The following EXT1 variants were observed in gnomAD, a reference collection of about 807,000 sequenced individuals.
EXT1 encodes the protein exostosin-1.
Under a neutral mutation model 82.5 loss-of-function variants are expected in EXT1, and 20 were observed. The observed-to-expected ratio is 0.24, with a 90% confidence interval of 0.17 to 0.35. The LOEUF is 0.35. Ranked by LOEUF, EXT1 falls within the 10% of genes least tolerant of loss-of-function variation. EXT1 has a pLI of 1.00. For synonymous variants in EXT1, 348 were observed against 350.8 expected, an observed-to-expected ratio of 0.99 and a Z score of 0.09; for missense variants, 757 against 936.5, an observed-to-expected ratio of 0.81 and a Z score of 2.50.
At chr8:117,943,294 T>C (rs898156110) in intron 1 of EXT1, among the ~76,000 whole-genome samples, 4 of 152,184 alleles carry the variant, frequency 2.6e-5, no homozygotes, top group Non-Finnish European at 5.9e-5. Flanking sequence ...AGGTCTTTTG[T>C]GGAAGGCAAT....
At chr8:118,093,940 T>C (rs1433082728) in intron 1 of EXT1, among the ~76,000 whole-genome samples, 2 of 152,302 alleles carry the variant, frequency 1.3e-5, no homozygotes, top group East Asian at 1.9e-4. Flanking sequence ...GCCCTTCAAA[T>C]TGTTGAAAGT....
At chr8:117,975,985 G>A (rs1480868717) in intron 1 of EXT1, among the ~76,000 whole-genome samples, 1 of 152,148 alleles carries the variant, frequency 6.6e-6, no homozygotes, top group Non-Finnish European at 1.5e-5. Flanking sequence ...ACACAAAACA[G>A]TAACATGAGC....
At chr8:117,887,805 G>T (rs1448065547) in intron 1 of EXT1, among the ~76,000 whole-genome samples, 2 of 151,142 alleles carry the variant, frequency 1.3e-5, no homozygotes, top group East Asian at 3.9e-4. Context: ...CTCTTCTCGG[G>T]CCTGGCACGG....
intron 1 of EXT1, among the ~76,000 whole-genome samples, chr8:117,978,741 C>G (rs1346774852): frequency 6.6e-6 from 1 of 152,200 alleles, no homozygotes; most frequent in Non-Finnish European, 1.5e-5. Flanking sequence ...AGAACATAGA[C>G]TCCACAAAGG....
At chr8:117,952,066 A>C (rs570201713) in intron 1 of EXT1, among the ~76,000 whole-genome samples, 2 of 152,300 alleles carry the variant, frequency 1.3e-5, no homozygotes, top group East Asian at 3.9e-4. Flanking sequence ...GAGTAAATTA[A>C]ACCAATGTCA....
chr8:118,084,750 C>T (rs1817388778), intron 1 of EXT1, among the ~76,000 whole-genome samples: 1 of 152,198 alleles, frequency 6.6e-6, no homozygotes, highest in Admixed American at 6.5e-5. Context: ...AATCCTACTC[C>T]GCCCCTTATG....
In EXT1 at chr8:117,799,641, C is replaced by G. The variant is rs1823133569; in HGVS notation, c.*71G>C. ...AATCTGGCTCTGCTGATGAGTGGAT[C>G]TGCACTGGGAAGAGAGAGCAGCTTG... On this transcript the variant is annotated 3_prime_UTR_variant, in exon 11 of 11. Coordinates refer to ENST00000378204, the MANE Select transcript of EXT1 (RefSeq NM_000127.3). 1.9e-6 allele frequency: 3 copies of G among 1,557,294 alleles called. No individual in the cohort carries two copies. The East Asian group carries it at 6.7e-5, about 35-fold the overall frequency.
chr8:117,828,071 T>C (rs1247807960), intron 4 of EXT1, among the ~76,000 whole-genome samples: 1 of 152,062 alleles, frequency 6.6e-6, no homozygotes, highest in Non-Finnish European at 1.5e-5. Flanking sequence ...ATATTAACAT[T>C]ATTAAGCAGA....
chr8:117,987,869 C>T (rs984688226), intron 1 of EXT1, among the ~76,000 whole-genome samples: 14 of 152,140 alleles, frequency 9.2e-5, no homozygotes, highest in African/African-American at 3.4e-4. Flanking sequence ...GGAAGGATCG[C>T]TTGGACCCAG....
At chr8:117,955,617 G>A (rs1408391526) in intron 1 of EXT1, among the ~76,000 whole-genome samples, 2 of 150,656 alleles carry the variant, frequency 1.3e-5, no homozygotes, top group African/African-American at 5.0e-5. Flanking sequence ...AAGCAGTGGT[G>A]TGATCTCAGC....
intron 1 of EXT1, among the ~76,000 whole-genome samples, chr8:117,901,891 T>G (rs552588148): frequency 2.6e-5 from 4 of 152,232 alleles, no homozygotes; most frequent in Non-Finnish European, 5.9e-5. Context: ...ACAGATTAGG[T>G]TTCGCCATGT....
At chr8:117,979,330 G>C (rs141592907) in intron 1 of EXT1, among the ~76,000 whole-genome samples, 1 of 151,072 alleles carries the variant, frequency 6.6e-6, no homozygotes, top group Non-Finnish European at 1.5e-5. Flanking sequence ...CTCCAGCCTC[G>C]GCGACAGAGC....
rs532267387 is a variant in EXT1 at position 117,871,354 on chromosome 8, G to T, written c.963-34153C>A. 1.2e-4 allele frequency among the ~76,000 whole-genome samples: 19 copies of T among 152,298 alleles called. No individual in the cohort carries two copies. The South Asian group carries it at 2.3e-3, about 18-fold the overall frequency. Reference sequence around the variant, plus strand: ...TGGAATACTCTGGCACCAACAATAGGATCAAATGATAGAACTCTTCGTTCA... The same window carrying T: ...TGGAATACTCTGGCACCAACAATAGTATCAAATGATAGAACTCTTCGTTCA... On this transcript the variant is annotated intron_variant, in intron 1 of 10. Coordinates refer to ENST00000378204, the MANE Select transcript of EXT1 (RefSeq NM_000127.3).
intron 1 of EXT1, among the ~76,000 whole-genome samples, chr8:117,966,666 T>C (rs1007461121): frequency 6.6e-5 from 10 of 152,234 alleles, no homozygotes; most frequent in Admixed American, 1.3e-4. Flanking sequence ...ATCTGAAACA[T>C]ACCAACTCTA....
intron 1 of EXT1, among the ~76,000 whole-genome samples, chr8:117,966,594 T>TCCTTTCTTTCCCCTCTTTC (rs1814816227): frequency 6.6e-6 from 1 of 152,186 alleles, no homozygotes; most frequent in Non-Finnish European, 1.5e-5. Context: ...ATATACTAAG[T>TCCTTTCTTTCCCCTCTTTC]CTGGCGTATC....
chr8:117,946,316 C>T (rs895324353), intron 1 of EXT1, among the ~76,000 whole-genome samples: 17 of 152,194 alleles, frequency 1.1e-4, no homozygotes, highest in Non-Finnish European at 2.5e-4. Context: ...CTGTGTCTAA[C>T]TCAGTTTTCC....
At chr8:117,813,776 T>C (rs1380882494) in intron 7 of EXT1, among the ~76,000 whole-genome samples, 1 of 151,940 alleles carries the variant, frequency 6.6e-6, no homozygotes, top group African/African-American at 2.4e-5. Context: ...GAGGCTGAGG[T>C]GGGTGGATCA....
At chr8:118,041,378 TAGTA>T (rs1816523546) in intron 1 of EXT1, among the ~76,000 whole-genome samples, 1 of 152,152 alleles carries the variant, frequency 6.6e-6, no homozygotes, top group Non-Finnish European at 1.5e-5. Flanking sequence ...ATCCAGCACC[TAGTA>T]AGTGCCAGGC....
intron 1 of EXT1, among the ~76,000 whole-genome samples, chr8:117,867,311 A>C (rs1200801742): frequency 6.6e-6 from 1 of 151,190 alleles, no homozygotes; most frequent in Middle Eastern, 3.5e-3. Context: ...ATGAGTGGGG[A>C]AGAGATGCTA....
Sources: allele counts gnomAD v4.1 joint callset (sites outside exome capture counted in the v4.1 genomes callset), GRCh38; gene constraint gnomAD v4.1.1; transcripts MANE v1.5; gene names NCBI Gene and HGNC (gene_info 2026-07-23, HGNC 2026-07-21).